EPHX2: variants seen among roughly 807,000 people sequenced by gnomAD.
The protein encoded by EPHX2 is epoxide hydrolase 2.
In EPHX2, 74 loss-of-function variants were observed where a neutral mutation model predicts 78.7. The observed-to-expected ratio is 0.94, with a 90% confidence interval of 0.78 to 1.14. The LOEUF (loss-of-function observed/expected upper bound fraction) is 1.14, where lower values mean the gene tolerates loss of function less well. EPHX2 is among the 50% of genes most tolerant of loss of function. EPHX2 has a pLI of 0.00. For synonymous variants in EPHX2, 251 were observed against 255.2 expected, an observed-to-expected ratio of 0.98 and a Z score of 0.16; for missense variants, 715 against 702.5, an observed-to-expected ratio of 1.02 and a Z score of -0.20.
At chr8:27,525,111 C>G (rs573812752) in intron 11 of EPHX2, among the ~76,000 whole-genome samples, 1 of 135,652 alleles carries the variant, frequency 7.4e-6, no homozygotes. Context: ...TGTGTGTGCG[C>G]GCGCGCGCGC....
intron 12 of EPHX2, among the ~76,000 whole-genome samples, chr8:27,526,323 C>T (rs1040808204): frequency 2.0e-4 from 30 of 152,196 alleles, no homozygotes; most frequent in African/African-American, 6.5e-4. Flanking sequence ...GCGATTCAGG[C>T]AATAACTGGA....
chr8:27,535,026 C>G (rs111743717), intron 12 of EPHX2, among the ~76,000 whole-genome samples: 4,000 of 152,248 alleles, frequency 0.026, 193 homozygotes, highest in African/African-American at 0.09. Context: ...AAAACACATG[C>G]AGAACAGTTC....
rs1362230662 is a variant in EPHX2, at chr8:27,526,041, TG to T, written c.1170+571del. ...CCCCGCCTACAGCTGCCCTCTTCTGTGGGAGACATCTGCTATGCATCCACTT... is the reference window on the plus strand; with the variant it reads ...CCCCGCCTACAGCTGCCCTCTTCTGTGGAGACATCTGCTATGCATCCACTT... On this transcript the variant is annotated intron_variant, in intron 12 of 18. Transcript: ENST00000521400. 6.6e-5 allele frequency among the ~76,000 whole-genome samples: 10 copies of T among 152,272 alleles called. No homozygotes were observed. The East Asian group carries it at 1.9e-3, about 29-fold the overall frequency.
At chr8:27,492,371 C>T (rs1312258673) in intron 1 of EPHX2, among the ~76,000 whole-genome samples, 1 of 152,088 alleles carries the variant, frequency 6.6e-6, no homozygotes, top group East Asian at 1.9e-4. Context: ...ATTAGCTAGA[C>T]ATTAGTGCAT....
chr8:27,515,247 C>T (rs1305798012), intron 6 of EPHX2, among the ~76,000 whole-genome samples: 4 of 152,106 alleles, frequency 2.6e-5, no homozygotes, highest in South Asian at 4.2e-4. Context: ...CTTCAAACTG[C>T]GAGCCTATAT....
chr8:27,538,536 A>C, intron 13 of EPHX2, 123 bp from the exon 14 acceptor site: 3 of 881,960 alleles, frequency 3.4e-6, no homozygotes, highest in Non-Finnish European at 5.2e-6. Context: ...GTCATTTGTC[A>C]TAACAGGGTT....
intron 12 of EPHX2, among the ~76,000 whole-genome samples, chr8:27,525,757 A>G (rs1814821523): frequency 6.6e-6 from 1 of 152,118 alleles, no homozygotes; most frequent in African/African-American, 2.4e-5. Context: ...TTGGGGCTCA[A>G]TGCTCAGGTA....
Position 27,505,003 on chromosome 8 carries a change from G to GA in EPHX2, c.395dup (p.Arg133GlufsTer10). 6.2e-7 allele frequency: 1 copy of GA among 1,614,162 alleles called. No individual in the cohort carries two copies. Among genetic ancestry groups the GA allele is most frequent in the Non-Finnish European group, 8.5e-7 (1 of 1,180,026 alleles). The stretch of plus-strand genomic sequence containing the variant: ...CAACACCTGGCTGGACGACCGTGCT[G>GA]AGAGAGATGGCCTGGCCCAGCTGAT... On this transcript the variant is annotated frameshift_variant, in exon 4 of 19. Transcript: ENST00000521400. LOFTEE classifies it high-confidence loss of function.
chr8:27,516,201 G>A, intron 7 of EPHX2, 119 bp from the exon 8 acceptor site: 1 of 1,011,086 alleles, frequency 9.9e-7, no homozygotes, highest in South Asian at 1.5e-5. Context: ...TTACCGGGTA[G>A]TGCCCTGTGG....
chr8:27,530,568 C>T (rs986506278), intron 12 of EPHX2, among the ~76,000 whole-genome samples: 2 of 152,010 alleles, frequency 1.3e-5, no homozygotes, highest in African/African-American at 4.8e-5. Flanking sequence ...TTTTTGTCAG[C>T]ACATATAGAT....
intron 5 of EPHX2, among the ~76,000 whole-genome samples, chr8:27,507,690 C>T (rs1248780974): frequency 2.0e-5 from 3 of 152,306 alleles, no homozygotes; most frequent in East Asian, 1.9e-4. Flanking sequence ...TTAGTTTGCT[C>T]GGGCTGCCAT....
chr8:27,507,013 G>C lies in EPHX2; in HGVS notation c.660+19G>C, dbSNP rs760601130. 6.2e-7 allele frequency: 1 copy of C among 1,612,546 alleles called. No individual in the cohort carries two copies. The highest frequency in any genetic ancestry group is 8.5e-7 in the Non-Finnish European group (1 of 1,179,640). ...AATCCAGGTAACTTGACTTCTGAGCGAGCCAAGCTTCCTGGACTCATCTGT... is the reference window on the plus strand; with the variant it reads ...AATCCAGGTAACTTGACTTCTGAGCCAGCCAAGCTTCCTGGACTCATCTGT... On this transcript the variant is annotated intron_variant, in intron 5 of 18. Coordinates refer to ENST00000521400, the MANE Select transcript of EPHX2 (RefSeq NM_001979.6).
chr8:27,539,903 C>T (rs1168915071), intron 14 of EPHX2, among the ~76,000 whole-genome samples: 5 of 152,140 alleles, frequency 3.3e-5, no homozygotes, highest in African/African-American at 7.2e-5. Context: ...CTGAAAATGC[C>T]GACGGGCCCT....
chr8:27,507,067 G>A (rs1309035465), intron 5 of EPHX2, 73 bp downstream of exon 5: 4 of 1,569,192 alleles, frequency 2.5e-6, no homozygotes, highest in Admixed American at 1.8e-5. Flanking sequence ...AAAACCACGA[G>A]CAGAGAAGCT....
chr8:27,539,690 C>T (rs1254475804), intron 14 of EPHX2, among the ~76,000 whole-genome samples: 7 of 152,216 alleles, frequency 4.6e-5, no homozygotes, highest in African/African-American at 1.7e-4. Flanking sequence ...TGGCCACCCT[C>T]AGTGAGCCCA....
intron 3 of EPHX2, among the ~76,000 whole-genome samples, chr8:27,504,254 A>G (rs893119879): frequency 6.6e-6 from 1 of 152,090 alleles, no homozygotes; most frequent in South Asian, 2.1e-4. Flanking sequence ...TATTGAAACT[A>G]TTCCACCCTC....
intron 5 of EPHX2, among the ~76,000 whole-genome samples, chr8:27,509,848 A>T (rs920437778): frequency 2.0e-5 from 3 of 152,198 alleles, no homozygotes; most frequent in Non-Finnish European, 4.4e-5. Flanking sequence ...AAATTGCACA[A>T]ACATATAAGA....
At chr8:27,526,384 G>T (rs4149246) in intron 12 of EPHX2, among the ~76,000 whole-genome samples, 11,904 of 152,234 alleles carry the variant, frequency 0.078, 568 homozygotes, top group Middle Eastern at 0.17. Flanking sequence ...TCGACATGTC[G>T]CATCCCACAT....
chr8:27,505,216 T>C, intron 4 of EPHX2, 70 bp downstream of exon 4: 1 of 1,521,412 alleles, frequency 6.6e-7, no homozygotes, highest in Non-Finnish European at 9.0e-7. Flanking sequence ...AACTGAGGAG[T>C]GAGCAGGTGG....
Sources: gnomAD v4.1 joint callset for allele counts (sites outside exome capture counted in the v4.1 genomes callset) on GRCh38, gnomAD v4.1.1 for gene constraint, MANE v1.5 for transcripts, NCBI Gene and HGNC (gene_info 2026-07-23, HGNC 2026-07-21) for gene names.